C12orf54: variants seen among roughly 807,000 people sequenced by gnomAD.
C12orf54 encodes uncharacterized protein C12orf54.
C12orf54 carries 24 observed loss-of-function variants against 26.4 expected under a neutral mutation model. That is an observed-to-expected ratio of 0.91 (90% CI 0.66 to 1.28). C12orf54 has a LOEUF of 1.28. Ranked by LOEUF, C12orf54 falls within the 50% of genes most tolerant of loss-of-function variation. C12orf54 has a pLI of 0.00. For missense variants in C12orf54, 154 were observed against 150.9 expected (o/e 1.02, Z -0.11); for synonymous variants, 54 against 47.0 (o/e 1.15, Z -0.61).
At chr12:48,437,252 A>G in the C12orf54 span, among the ~76,000 whole-genome samples, 6 of 152,192 alleles carry the variant, frequency 3.9e-5, no homozygotes, top group Non-Finnish European at 8.8e-5. Context: ...AATTGAAGCA[A>G]TAATTAATAG....
chr12:48,491,150 A>C (rs1277684030), intron 6 of C12orf54, among the ~76,000 whole-genome samples: 1 of 152,194 alleles, frequency 6.6e-6, no homozygotes, highest in African/African-American at 2.4e-5. Flanking sequence ...GGAATACCAT[A>C]CTGGGTAATT....
chr12:48,434,798 C>T, the C12orf54 span, among the ~76,000 whole-genome samples: 2 of 152,076 alleles, frequency 1.3e-5, no homozygotes, highest in African/African-American at 4.8e-5. Flanking sequence ...TAGATAAAAC[C>T]ACAAAGATGG....
chr12:48,473,453 T>C, the C12orf54 span: 1 of 573,030 alleles, frequency 1.7e-6, no homozygotes, highest in Non-Finnish European at 3.1e-6. Flanking sequence ...TTTGTGATTT[T>C]ACTGTTTTTA....
At chr12:48,460,689 T>C in the C12orf54 span, among the ~76,000 whole-genome samples, 2 of 152,164 alleles carry the variant, frequency 1.3e-5, no homozygotes, top group African/African-American at 4.8e-5. Flanking sequence ...ATTGTTGTAA[T>C]ATTTTTACAT....
At chr12:48,488,307 G>A in intron 4 of C12orf54, 1 of 549,360 alleles carries the variant, frequency 1.8e-6, no homozygotes, top group Non-Finnish European at 3.4e-6. Flanking sequence ...AAGAGGGGAA[G>A]CCAACAGAGA....
the C12orf54 span, among the ~76,000 whole-genome samples, chr12:48,426,000 A>G: frequency 1.0e-4 from 15 of 148,184 alleles, no homozygotes; most frequent in Non-Finnish European, 2.2e-4. Flanking sequence ...TGTCAGATGT[A>G]TAGCTTGCAA....
chr12:48,479,877 C>T (rs969339961), upstream of C12orf54, among the ~76,000 whole-genome samples: 1 of 152,052 alleles, frequency 6.6e-6, no homozygotes. Context: ...TCTTTTCATA[C>T]AATTTTTTGG....
At chr12:48,428,345 CAA>C in the C12orf54 span, among the ~76,000 whole-genome samples, 1 of 146,506 alleles carries the variant, frequency 6.8e-6, no homozygotes, top group East Asian at 2.0e-4. Context: ...GAAATTGAAA[CAA>C]AAAAAAAATA....
At chr12:48,455,581 A>G in the C12orf54 span, among the ~76,000 whole-genome samples, 1 of 152,188 alleles carries the variant, frequency 6.6e-6, no homozygotes, top group Admixed American at 6.5e-5. Context: ...TTTCTTTCAG[A>G]TCTTCCAGGT....
the C12orf54 span, among the ~76,000 whole-genome samples, chr12:48,464,148 C>T: frequency 9.9e-5 from 15 of 152,092 alleles, no homozygotes; most frequent in Non-Finnish European, 1.9e-4. Context: ...TCTTTGTTTG[C>T]AGATGACATA....
the C12orf54 span, among the ~76,000 whole-genome samples, chr12:48,462,024 G>A: frequency 6.6e-6 from 1 of 151,648 alleles, no homozygotes; most frequent in Admixed American, 6.6e-5. Context: ...ATAGAGAAAG[G>A]AGACATGACA....
the C12orf54 span, chr12:48,473,497 C>T: frequency 9.7e-6 from 4 of 410,450 alleles, no homozygotes; most frequent in African/African-American, 6.2e-5. Flanking sequence ...ATCCTGCCCC[C>T]TGAAACTTAT....
chr12:48,451,439 A>T, the C12orf54 span, among the ~76,000 whole-genome samples: 9 of 152,176 alleles, frequency 5.9e-5, no homozygotes, highest in Non-Finnish European at 1.0e-4. Context: ...CACAAGACAA[A>T]ATTGCCCTCC....
the C12orf54 span, among the ~76,000 whole-genome samples, chr12:48,414,634 T>G: frequency 1.1e-4 from 17 of 151,978 alleles, no homozygotes; most frequent in Admixed American, 6.6e-4. Context: ...GGTATCCATG[T>G]GCCAGGCTGG....
chr12:48,454,564 G>T, the C12orf54 span, among the ~76,000 whole-genome samples: 1 of 152,124 alleles, frequency 6.6e-6, no homozygotes, highest in Non-Finnish European at 1.5e-5. Context: ...AAAGCCTGTG[G>T]CCTGCTTTCT....
chr12:48,486,075 A>G, intron 2 of C12orf54, 103 bp from the exon 3 acceptor site: 1 of 1,180,950 alleles, frequency 8.5e-7, no homozygotes, highest in Non-Finnish European at 1.2e-6. Flanking sequence ...TTTAGTATAG[A>G]AACTTCAAGA....
chr12:48,492,964 A>G lies in C12orf54; in HGVS notation c.211A>G (p.Met71Val), dbSNP rs1937823937. The G allele has an allele frequency of 3.1e-6, 5 of 1,614,110 alleles. No homozygotes were observed. Among genetic ancestry groups the G allele is most frequent in the South Asian group, 2.2e-5 (2 of 91,088 alleles). ...ARIRGMSNCS[M>V]TPMTSAPRTG... ...CACTTTAGGGATGAGCAACTGCTCC[A>G]TGACACCCATGACATCAGCACCCAG... Residue 71 changes from methionine to valine, a missense_variant, in exon 7 of 9, where the codon ATG (methionine) becomes GTG (valine). Physicochemically the swap from Met to Val is conservative, Grantham distance 21. Transcript: ENST00000548364.
At chr12:48,491,664 G>A (rs887092879) in intron 6 of C12orf54, among the ~76,000 whole-genome samples, 22 of 152,286 alleles carry the variant, frequency 1.4e-4, no homozygotes, top group African/African-American at 5.3e-4. Context: ...ATTATTCTGG[G>A]TGGTCAAGTT....
the C12orf54 span, among the ~76,000 whole-genome samples, chr12:48,468,897 T>C: frequency 6.6e-6 from 1 of 152,098 alleles, no homozygotes; most frequent in East Asian, 1.9e-4. Context: ...TCTCCGGGGG[T>C]GACATCACAT....
Sources: gnomAD v4.1 joint callset for allele counts (sites outside exome capture counted in the v4.1 genomes callset) on GRCh38, gnomAD v4.1.1 for gene constraint, MANE v1.5 for transcripts, NCBI Gene and HGNC (gene_info 2026-07-23, HGNC 2026-07-21) for gene names.